The following MCTP2 variants were observed in gnomAD, a reference collection of about 807,000 sequenced individuals.
The protein encoded by MCTP2 is multiple C2 and transmembrane domain-containing protein 2.
In MCTP2, 132 loss-of-function variants were observed where a neutral mutation model predicts 111.6. That is an observed-to-expected ratio of 1.18 (90% CI 1.03 to 1.37). The LOEUF is 1.37. Ranked by LOEUF, MCTP2 falls within the 40% of genes most tolerant of loss-of-function variation. The pLI is 0.00. For synonymous variants in MCTP2, 395 were observed against 387.7 expected (o/e 1.02, Z -0.22); for missense variants, 1,183 against 1,067.9 (o/e 1.11, Z -1.50).
chr15:94,351,470 G>A (rs917677874), intron 8 of MCTP2, among the ~76,000 whole-genome samples: 11 of 152,184 alleles, frequency 7.2e-5, no homozygotes, highest in Admixed American at 5.2e-4. Context: ...GTTGGAATCT[G>A]ACTTTACTAC....
chr15:94,443,047 C>CTTTTT, intron 19 of MCTP2, 87 bp downstream of exon 19: 4 of 575,270 alleles, frequency 7.0e-6, no homozygotes, highest in South Asian at 3.2e-5. Context: ...TCTCTCCTCT[C>CTTTTT]TTTTTTTTTT....
intron 2 of MCTP2, among the ~76,000 whole-genome samples, chr15:94,313,190 T>G (rs2076225151): frequency 6.6e-6 from 1 of 152,124 alleles, no homozygotes; most frequent in African/African-American, 2.4e-5. Context: ...TGGGAGGCCA[T>G]TTGCCCATGT....
chr15:94,302,491 A>G lies in MCTP2; in HGVS notation c.465+3761A>G, dbSNP rs958505885. Among the ~76,000 whole-genome samples, 13 of 152,234 alleles carry G rather than the reference A, an allele frequency of 8.5e-5. 1 individual carries two copies. The highest frequency in any genetic ancestry group is 7.8e-4 in the Admixed American group (12 of 15,294). On this transcript the variant is annotated intron_variant, in intron 2 of 22. Coordinates refer to ENST00000357742, the MANE Select transcript of MCTP2 (RefSeq NM_001385001.1). ...GGACAGGCAGAGCCTAAAATATTGC[A>G]AATGCCAAATCCAGCTGTAAAACCA... is the stretch of plus-strand genomic sequence containing the variant.
At chr15:94,447,858 G>T (rs1274683385) in intron 19 of MCTP2, among the ~76,000 whole-genome samples, 2 of 152,192 alleles carry the variant, frequency 1.3e-5, no homozygotes, top group Non-Finnish European at 2.9e-5. Context: ...CACCTTCAGG[G>T]ATATACAATT....
intron 1 of MCTP2, among the ~76,000 whole-genome samples, chr15:94,266,371 C>T (rs994958298): frequency 6.6e-6 from 1 of 152,216 alleles, no homozygotes; most frequent in Non-Finnish European, 1.5e-5. Flanking sequence ...TCTCCTCCTC[C>T]AAGATATATG....
chr15:94,286,243 A>G (rs189500703), intron 1 of MCTP2, among the ~76,000 whole-genome samples: 2 of 152,346 alleles, frequency 1.3e-5, no homozygotes, highest in African/African-American at 2.4e-5. Flanking sequence ...TCCCAGTTCT[A>G]TTAAAGTGCA....
intron 18 of MCTP2, 146 bp from the exon 19 acceptor site, chr15:94,442,771 TAA>T: frequency 1.5e-6 from 1 of 652,572 alleles, no homozygotes; most frequent in Non-Finnish European, 2.8e-6. Context: ...CCCTGAACTT[TAA>T]AAGAGTTATT....
At chr15:94,329,007 T>G (rs2077017244) in intron 4 of MCTP2, among the ~76,000 whole-genome samples, 1 of 152,090 alleles carries the variant, frequency 6.6e-6, no homozygotes, top group Non-Finnish European at 1.5e-5. Flanking sequence ...TCACTAAGCT[T>G]TTTATGTGGA....
chr15:94,321,867 T>G (rs373557516), intron 4 of MCTP2, among the ~76,000 whole-genome samples: 1 of 152,208 alleles, frequency 6.6e-6, no homozygotes, highest in African/African-American at 2.4e-5. Context: ...ACTGTATTCT[T>G]ATAATAAGGT....
At chr15:94,400,102 A>C in intron 16 of MCTP2, 107 bp downstream of exon 16, 15 of 855,100 alleles carry the variant, frequency 1.8e-5, no homozygotes, top group East Asian at 7.8e-5. Flanking sequence ...CCTCCCTCTT[A>C]CTCCTCCTCT....
chr15:94,355,440 CT>C (rs1265793766), intron 8 of MCTP2, among the ~76,000 whole-genome samples: 1 of 152,164 alleles, frequency 6.6e-6, no homozygotes, highest in Non-Finnish European at 1.5e-5. Flanking sequence ...GGACATTTGC[CT>C]TTTTCCTCCA....
At chr15:94,284,450 T>C (rs1441704065) in intron 1 of MCTP2, among the ~76,000 whole-genome samples, 2 of 152,226 alleles carry the variant, frequency 1.3e-5, no homozygotes, top group East Asian at 3.8e-4. Flanking sequence ...CATTAATCAA[T>C]ATATTATAGA....
chr15:94,442,780 T>C, intron 18 of MCTP2, 139 bp from the exon 19 acceptor site: 1 of 676,882 alleles, frequency 1.5e-6, no homozygotes, highest in South Asian at 1.8e-5. Flanking sequence ...TTAAAAGAGT[T>C]ATTGTTTAAG....
intron 12 of MCTP2, among the ~76,000 whole-genome samples, chr15:94,373,240 G>A (rs2079581462): frequency 6.6e-6 from 1 of 152,144 alleles, no homozygotes; most frequent in South Asian, 2.1e-4. Context: ...TGTTATTGAT[G>A]TTATGATTAT....
chr15:94,424,747 C>T (rs1338234230), intron 17 of MCTP2, among the ~76,000 whole-genome samples: 2 of 152,126 alleles, frequency 1.3e-5, no homozygotes, highest in South Asian at 2.1e-4. Flanking sequence ...TTAATTTTGT[C>T]AGTCTGGTGT....
intron 1 of MCTP2, among the ~76,000 whole-genome samples, chr15:94,281,698 T>C (rs1291821196): frequency 2.0e-5 from 3 of 152,200 alleles, no homozygotes; most frequent in Non-Finnish European, 4.4e-5. Context: ...CCAGTAACAG[T>C]CTTTCATTTC....
At chr15:94,344,689 T>C (rs2077864841) in intron 7 of MCTP2, among the ~76,000 whole-genome samples, 1 of 152,192 alleles carries the variant, frequency 6.6e-6, no homozygotes, top group African/African-American at 2.4e-5. Context: ...TTGAAGTAAA[T>C]GGAATTATTT....
chr15:94,328,411 A>T (rs1468757244), intron 4 of MCTP2, among the ~76,000 whole-genome samples: 1 of 151,990 alleles, frequency 6.6e-6, no homozygotes, highest in Non-Finnish European at 1.5e-5. Context: ...TCCAGGTGTG[A>T]GCCACCGCGC....
intron 17 of MCTP2, among the ~76,000 whole-genome samples, chr15:94,423,682 C>T (rs954727860): frequency 6.6e-6 from 1 of 152,070 alleles, no homozygotes; most frequent in Non-Finnish European, 1.5e-5. Context: ...GGTGCATGTG[C>T]GTGTAAGAGT....
Sources: allele counts gnomAD v4.1 joint callset (sites outside exome capture counted in the v4.1 genomes callset), GRCh38; gene constraint gnomAD v4.1.1; transcripts MANE v1.5; gene names NCBI Gene and HGNC (gene_info 2026-07-23, HGNC 2026-07-21).